Variants in ASB11 observed in about 807,000 individuals in gnomAD.
ASB11 encodes ankyrin repeat and SOCS box protein 11.
A neutral mutation model predicts 20.1 loss-of-function variants in ASB11; 17 were observed. The ratio of observed to expected loss-of-function variants is 0.85; its 90% CI spans 0.58 to 1.27. ASB11 has a LOEUF of 1.27. Among genes scored for constraint, ASB11 ranks in the 50% most tolerant of loss-of-function variants. The pLI, the probability that ASB11 is intolerant of heterozygous loss-of-function variation, is 0.00. For missense variants in ASB11, 259 were observed against 256.9 expected (o/e 1.01, Z -0.06); for synonymous variants, 107 against 105.6 (o/e 1.01, Z -0.08).
In ASB11 at chrX:15,283,421, C is replaced by G; in HGVS notation, c.*84G>C. 8.9e-7 allele frequency: 1 copy of G among 1,120,166 alleles called. No individual in the cohort carries two copies. The highest frequency in any genetic ancestry group is 1.2e-6 in the Non-Finnish European group (1 of 815,652). 92.3% of individuals were successfully genotyped at this position (1,120,166 alleles called of 1,213,427 possible). ...CATTTAAAGATACTAGGAGTCTAAG[C>G]TGTTGAGCTTCTACATTAGGTACTC... On this transcript the variant is annotated 3_prime_UTR_variant, in exon 7 of 7. Transcript: ENST00000480796.
chrX:15,285,206 A>G (rs1462830518), intron 6 of ASB11, among the ~76,000 whole-genome samples: 1 of 104,484 alleles, frequency 9.6e-6, no homozygotes, highest in Non-Finnish European at 1.9e-5. Flanking sequence ...CAGTGGTTCA[A>G]TCTCAGCTCA....
intron 2 of ASB11, among the ~76,000 whole-genome samples, chrX:15,300,843 T>G (rs1045406086): frequency 9.8e-5 from 11 of 112,167 alleles, no homozygotes; most frequent in Non-Finnish European, 1.7e-4. Flanking sequence ...TTAAAAAGCC[T>G]ATTAAAAATA....
Position 15,297,651 on chromosome X carries a change from G to T in ASB11, c.292C>A (p.Arg98=). 1 of 1,210,146 alleles carries T rather than the reference G, an allele frequency of 8.3e-7. No individual in the cohort carries two copies. Among genetic ancestry groups the T allele is most frequent in the Non-Finnish European group, 1.1e-6 (1 of 894,398 alleles). The change falls in exon 3 of 7, where the codon CGG becomes AGG. Residue 98 remains arginine (R), a synonymous_variant. Coordinates refer to ENST00000480796, the MANE Select transcript of ASB11 (RefSeq NM_080873.3). ...CATGCCTCGTGGAGAGAAGACACCCGGTTAATTGTCACAAGGTTCACATTG... is the reference window on the plus strand; with the variant it reads ...CATGCCTCGTGGAGAGAAGACACCCTGTTAATTGTCACAAGGTTCACATTG... ...GVNVNLVTIN[R]VSSLHEACLG... is the part of the protein sequence containing the mutation.
At chrX:15,284,416 G>C (rs1366184403) in intron 6 of ASB11, among the ~76,000 whole-genome samples, 2 of 111,232 alleles carry the variant, frequency 1.8e-5, no homozygotes, top group Admixed American at 1.9e-4. Flanking sequence ...TGGTGACAGA[G>C]GCAGTGTTAG....
At chrX:15,301,101 T>A (rs192647977) in intron 2 of ASB11, among the ~76,000 whole-genome samples, 1 of 111,145 alleles carries the variant, frequency 9.0e-6, no homozygotes, top group Non-Finnish European at 1.9e-5. Flanking sequence ...TAGCTGGGAT[T>A]ATAGGCGCCC....
At chrX:15,284,275 G>A (rs1298936301) in intron 6 of ASB11, among the ~76,000 whole-genome samples, 8 of 104,497 alleles carry the variant, frequency 7.7e-5, no homozygotes, top group Non-Finnish European at 1.4e-4. Context: ...AAAAAAGAAA[G>A]AAAGAAAGAA....
chrX:15,307,662 A>G (rs1921288686), intron 1 of ASB11, among the ~76,000 whole-genome samples: 1 of 111,532 alleles, frequency 9.0e-6, no homozygotes, highest in Admixed American at 9.5e-5. Flanking sequence ...CCCCTGCTAT[A>G]AAGTACACAA....
At chrX:15,307,477 C>A (rs1323059987) in intron 1 of ASB11, among the ~76,000 whole-genome samples, 3 of 112,367 alleles carry the variant, frequency 2.7e-5, no homozygotes, top group Non-Finnish European at 5.6e-5. Context: ...AGGTCCCTTG[C>A]ATGTGCAGTT....
chrX:15,289,020 G>A (rs998809121), intron 5 of ASB11, among the ~76,000 whole-genome samples: 6 of 112,143 alleles, frequency 5.4e-5, no homozygotes, highest in Non-Finnish European at 7.5e-5. Context: ...TGTTTTTACC[G>A]TCCAGCATCT....
intron 2 of ASB11, among the ~76,000 whole-genome samples, chrX:15,301,750 C>T (rs1023386611): frequency 5.3e-5 from 6 of 112,519 alleles, no homozygotes; most frequent in African/African-American, 1.9e-4. Context: ...ACTCATTTTT[C>T]AAGGTGCTGG....
At chrX:15,292,274 C>T (rs2147690321) in intron 4 of ASB11, among the ~76,000 whole-genome samples, 1 of 112,118 alleles carries the variant, frequency 8.9e-6, no homozygotes, top group South Asian at 3.6e-4. Flanking sequence ...TAACCTGGAA[C>T]AAATCTTTCA....
chrX:15,307,916 T>C (rs1263209521), intron 1 of ASB11, among the ~76,000 whole-genome samples: 2 of 112,356 alleles, frequency 1.8e-5, no homozygotes, highest in Non-Finnish European at 3.8e-5. Flanking sequence ...ACTAGCCCTC[T>C]TTCTAGCTGT....
intron 4 of ASB11, among the ~76,000 whole-genome samples, chrX:15,291,320 C>G (rs1001275095): frequency 3.5e-4 from 39 of 111,824 alleles, no homozygotes; most frequent in African/African-American, 1.2e-3. Context: ...TGCAGACATA[C>G]TTAATTAATT....
At chrX:15,296,816 TCAGAAAACTAAAAA>T (rs754331805) in intron 3 of ASB11, among the ~76,000 whole-genome samples, 2 of 111,746 alleles carry the variant, frequency 1.8e-5, no homozygotes, top group Non-Finnish European at 3.8e-5. Flanking sequence ...TGGAGGTTCA[TCAGAAAACTAAAAA>T]CAGAGATACC....
intron 1 of ASB11, among the ~76,000 whole-genome samples, chrX:15,306,694 C>G (rs969162231): frequency 9.1e-6 from 1 of 109,393 alleles, no homozygotes; most frequent in Non-Finnish European, 1.9e-5. Flanking sequence ...CACAGTGACA[C>G]TTTGTCTCAA....
At chrX:15,315,184 ACTAC>A (rs1284839838) in intron 1 of ASB11, among the ~76,000 whole-genome samples, 1 of 112,001 alleles carries the variant, frequency 8.9e-6, no homozygotes, top group African/African-American at 3.2e-5. Context: ...TTAGTAAGCC[ACTAC>A]CTATTTACTT....
intron 1 of ASB11, among the ~76,000 whole-genome samples, chrX:15,310,212 T>C (rs1921388549): frequency 9.0e-6 from 1 of 110,617 alleles, no homozygotes; most frequent in African/African-American, 3.3e-5. Context: ...CTGGAGCTAA[T>C]TGTGAGAAAT....
chrX:15,285,140 CTTT>C (rs767822616), intron 6 of ASB11, among the ~76,000 whole-genome samples: 3 of 81,538 alleles, frequency 3.7e-5, no homozygotes, highest in Non-Finnish European at 2.4e-5. Flanking sequence ...TTTAATCTTT[CTTT>C]TTTTTTTTTT....
chrX:15,305,127 A>G (rs774454578), intron 1 of ASB11, among the ~76,000 whole-genome samples: 3 of 112,040 alleles, frequency 2.7e-5, no homozygotes, highest in African/African-American at 9.7e-5. Context: ...GGATAATTTT[A>G]TAGAACAGAA....
Sources: allele counts gnomAD v4.1 joint callset (sites outside exome capture counted in the v4.1 genomes callset), GRCh38; gene constraint gnomAD v4.1.1; transcripts MANE v1.5; gene names NCBI Gene and HGNC (gene_info 2026-07-23, HGNC 2026-07-21).